CEP112: variants seen among roughly 807,000 people sequenced by gnomAD.
CEP112 encodes centrosomal protein 112, also known as centrosomal protein of 112 kDa.
CEP112 carries 127 observed loss-of-function variants against 153.0 expected under a neutral mutation model. That is an observed-to-expected ratio of 0.83 (90% CI 0.72 to 0.96). CEP112 has a LOEUF of 0.96. CEP112 is among the 40% of genes least tolerant of loss of function. The pLI is 0.00. For synonymous variants in CEP112, 358 were observed against 374.4 expected, an observed-to-expected ratio of 0.96 and a Z score of 0.51; for missense variants, 1,089 against 1,101.2, an observed-to-expected ratio of 0.99 and a Z score of 0.16.
intron 6 of CEP112, among the ~76,000 whole-genome samples, chr17:66,125,424 C>T (rs77005888): frequency 0.014 from 2,187 of 152,144 alleles, 47 homozygotes; most frequent in African/African-American, 0.05. Flanking sequence ...TGAGGCAAGA[C>T]GATCACTTGA....
intron 19 of CEP112, among the ~76,000 whole-genome samples, chr17:65,907,282 CA>C (rs1354183476): frequency 6.6e-6 from 1 of 152,042 alleles, no homozygotes; most frequent in African/African-American, 2.4e-5. Flanking sequence ...TGCCCATGTT[CA>C]AATTTCACTT....
intron 8 of CEP112, among the ~76,000 whole-genome samples, chr17:66,083,470 G>A (rs1253895390): frequency 6.6e-6 from 1 of 152,074 alleles, no homozygotes; most frequent in Admixed American, 6.5e-5. Flanking sequence ...GTAAAAAATT[G>A]GTATCAATTA....
intron 25 of CEP112, among the ~76,000 whole-genome samples, chr17:65,639,836 CT>C (rs554226605): frequency 0.014 from 1,553 of 110,874 alleles, 9 homozygotes; most frequent in African/African-American, 0.044. Context: ...CTCTTTCTTT[CT>C]TTTTTTTTTT....
intron 12 of CEP112, among the ~76,000 whole-genome samples, chr17:66,045,067 CA>C (rs770538797): frequency 1.5e-5 from 2 of 132,754 alleles, no homozygotes; most frequent in Non-Finnish European, 3.1e-5. Context: ...AAGCTAGAAA[CA>C]AAAAAAAAAT....
intron 21 of CEP112, among the ~76,000 whole-genome samples, chr17:65,785,529 A>G (rs1053946739): frequency 6.6e-6 from 1 of 152,078 alleles, no homozygotes; most frequent in Non-Finnish European, 1.5e-5. Context: ...GTGGTATCTC[A>G]TTGTTGTTCT....
intron 24 of CEP112, chr17:65,644,379 C>T (rs1015004892): frequency 8.9e-6 from 5 of 559,188 alleles, no homozygotes; most frequent in African/African-American, 3.7e-5. Flanking sequence ...CTGGCATTTT[C>T]CAGGGTCTTC....
intron 20 of CEP112, among the ~76,000 whole-genome samples, chr17:65,868,971 T>A (rs1405333325): frequency 6.6e-6 from 1 of 152,228 alleles, no homozygotes; most frequent in African/African-American, 2.4e-5. Context: ...ACACGTGTTC[T>A]CATAAGTTAT....
intron 18 of CEP112, among the ~76,000 whole-genome samples, chr17:65,948,297 G>C (rs2061707957): frequency 6.6e-6 from 1 of 152,062 alleles, no homozygotes; most frequent in Non-Finnish European, 1.5e-5. Context: ...AAAAAGAAAA[G>C]GAGTAGAATT....
chr17:65,998,539 T>A (rs1482575964), intron 17 of CEP112, among the ~76,000 whole-genome samples: 3 of 134,964 alleles, frequency 2.2e-5, no homozygotes, highest in Admixed American at 2.1e-4. Flanking sequence ...TAAAGCTATT[T>A]TCTTTAAAAA....
chr17:65,694,181 A>C (rs1167563915), intron 23 of CEP112, among the ~76,000 whole-genome samples: 1 of 152,156 alleles, frequency 6.6e-6, no homozygotes, highest in Non-Finnish European at 1.5e-5. Flanking sequence ...TCCTAAAATG[A>C]GAAGAGGTTC....
chr17:65,663,324 G>T (rs763204052), intron 24 of CEP112, among the ~76,000 whole-genome samples: 58 of 152,204 alleles, frequency 3.8e-4, no homozygotes, highest in Non-Finnish European at 7.1e-4. Context: ...GTAAACTTAG[G>T]TTAATATATA....
chr17:66,106,342 C>T lies in CEP112; in HGVS notation c.643-9710G>A, dbSNP rs141400616. 1.1e-4 allele frequency among the ~76,000 whole-genome samples: 17 copies of T among 151,610 alleles called. No individual in the cohort carries two copies. The East Asian group carries it at 2.5e-3, about 22-fold the overall frequency. On this transcript the variant is annotated intron_variant, in intron 6 of 26. Coordinates refer to ENST00000535342, the MANE Select transcript of CEP112 (RefSeq NM_001199165.4). ...ATGAAATGAAAATTTAAAAAACACACAAAAAATCAACAAAACAAAAAGTTT... is the reference window on the plus strand; with the variant it reads ...ATGAAATGAAAATTTAAAAAACACATAAAAAATCAACAAAACAAAAAGTTT...
intron 21 of CEP112, among the ~76,000 whole-genome samples, chr17:65,789,241 C>CTT (rs924858906): frequency 6.6e-6 from 1 of 152,172 alleles, no homozygotes; most frequent in African/African-American, 2.4e-5. Context: ...CTCTCTCGCT[C>CTT]TTGACAGTCC....
intron 24 of CEP112, among the ~76,000 whole-genome samples, chr17:65,667,426 T>C (rs1394495769): frequency 1.3e-5 from 2 of 152,074 alleles, no homozygotes; most frequent in African/African-American, 2.4e-5. Context: ...TATTCTGAGT[T>C]GGTATCTTTT....
At chr17:65,780,143 G>T (rs185332097) in intron 21 of CEP112, among the ~76,000 whole-genome samples, 209 of 152,172 alleles carry the variant, frequency 1.4e-3, no homozygotes, top group African/African-American at 4.8e-3. Flanking sequence ...AATAGCATGG[G>T]ACAGTTGATT....
At chr17:65,813,877 AT>A (rs990540937) in intron 21 of CEP112, among the ~76,000 whole-genome samples, 2 of 152,186 alleles carry the variant, frequency 1.3e-5, no homozygotes, top group East Asian at 1.9e-4. Context: ...AAGATCGTTC[AT>A]TTTTTTTATG....
At chr17:66,125,485 T>C (rs1341122283) in intron 6 of CEP112, among the ~76,000 whole-genome samples, 1 of 151,954 alleles carries the variant, frequency 6.6e-6, no homozygotes. Context: ...CACTGCACTT[T>C]AGCCTTGGTG....
chr17:65,878,622 C>T (rs72831464), intron 20 of CEP112, among the ~76,000 whole-genome samples: 9,404 of 151,948 alleles, frequency 0.062, 351 homozygotes, highest in South Asian at 0.12. Context: ...CTGTGAAAGC[C>T]GGAACTAGTG....
chr17:65,775,231 G>A (rs1320125275), intron 21 of CEP112, among the ~76,000 whole-genome samples: 1 of 152,014 alleles, frequency 6.6e-6, no homozygotes, highest in African/African-American at 2.4e-5. Context: ...CTCCAGCCCT[G>A]TCATACCCTC....
Sources: gnomAD v4.1 joint callset for allele counts (sites outside exome capture counted in the v4.1 genomes callset) on GRCh38, gnomAD v4.1.1 for gene constraint, MANE v1.5 for transcripts, NCBI Gene and HGNC (gene_info 2026-07-23, HGNC 2026-07-21) for gene names.